CHIC2: variants seen among roughly 807,000 people sequenced by gnomAD.
CHIC2 encodes cysteine-rich hydrophobic domain-containing protein 2.
Under a neutral mutation model 25.9 loss-of-function variants are expected in CHIC2, and 14 were observed. The observed-to-expected ratio is 0.54, with a 90% CI of 0.36 to 0.85. The LOEUF (loss-of-function observed/expected upper bound fraction) is 0.85, where lower values mean the gene tolerates loss of function less well. Ranked by LOEUF, CHIC2 falls within the 40% of genes least tolerant of loss-of-function variation. The pLI, the probability that CHIC2 is intolerant of heterozygous loss-of-function variation, is 0.01. For synonymous variants in CHIC2, 70 were observed against 72.0 expected (o/e 0.97, Z 0.14); for missense variants, 146 against 202.0 (o/e 0.72, Z 1.68).
intron 3 of CHIC2, among the ~76,000 whole-genome samples, chr4:54,037,666 G>A (rs949791258): frequency 1.3e-5 from 2 of 152,122 alleles, no homozygotes; most frequent in African/African-American, 2.4e-5. Context: ...ATTCAAGGCT[G>A]TAAAATAAAA....
intron 1 of CHIC2, among the ~76,000 whole-genome samples, chr4:54,062,084 CGACTAT>C (rs1212421510): frequency 6.6e-6 from 1 of 152,080 alleles, no homozygotes; most frequent in African/African-American, 2.4e-5. Context: ...TAAAAGGTAT[CGACTAT>C]AACTATCCCC....
chr4:54,088,449 A>C, the CHIC2 span, among the ~76,000 whole-genome samples: 3 of 152,230 alleles, frequency 2.0e-5, no homozygotes, highest in Admixed American at 2.0e-4. Flanking sequence ...TCAAAGCAAA[A>C]AAGAAAAAAG....
At chr4:54,026,247 T>C (rs1716054349) in intron 3 of CHIC2, among the ~76,000 whole-genome samples, 1 of 152,112 alleles carries the variant, frequency 6.6e-6, no homozygotes, top group African/African-American at 2.4e-5. Context: ...TTGTTTTTTT[T>C]TGTTTGGCTC....
At chr4:54,040,718 A>T in intron 3 of CHIC2, among the ~76,000 whole-genome samples, 1 of 148,392 alleles carries the variant, frequency 6.7e-6, no homozygotes, top group South Asian at 2.1e-4. Context: ...AAAAAAAAAA[A>T]AAAAAAAAAA....
intron 1 of CHIC2, chr4:54,059,596 T>A (rs1056099597): frequency 3.3e-5 from 5 of 150,862 alleles, no homozygotes; most frequent in African/African-American, 1.2e-4. Flanking sequence ...AAAAAAAAAA[T>A]CTACCTTAAT....
upstream of CHIC2, among the ~76,000 whole-genome samples, chr4:54,066,388 A>G (rs921302140): frequency 1.3e-5 from 2 of 152,228 alleles, no homozygotes; most frequent in Non-Finnish European, 2.9e-5. Context: ...GGGTTACCAC[A>G]GCATTATGTA....
At chr4:54,013,572 A>G (rs1020346693) in intron 5 of CHIC2, among the ~76,000 whole-genome samples, 4 of 152,152 alleles carry the variant, frequency 2.6e-5, no homozygotes, top group African/African-American at 4.8e-5. Flanking sequence ...TTCACACTCC[A>G]TCAACACATG....
the CHIC2 span, among the ~76,000 whole-genome samples, chr4:54,083,071 G>T: frequency 8.0e-6 from 1 of 124,864 alleles, no homozygotes; most frequent in East Asian, 2.2e-4. Flanking sequence ...TATTGCCCAG[G>T]CTGGAGTGAT....
At chr4:54,035,031 C>T (rs1716340558) in intron 3 of CHIC2, among the ~76,000 whole-genome samples, 1 of 152,132 alleles carries the variant, frequency 6.6e-6, no homozygotes. Context: ...TGTTGAGTTA[C>T]ATTCATTGCA....
upstream of CHIC2, among the ~76,000 whole-genome samples, chr4:54,065,936 C>T (rs1461805886): frequency 6.6e-6 from 1 of 152,122 alleles, no homozygotes; most frequent in Non-Finnish European, 1.5e-5. Context: ...TTATTGTATC[C>T]CTCCCTGGAG....
chr4:54,073,864 C>T, the CHIC2 span, among the ~76,000 whole-genome samples: 3 of 152,026 alleles, frequency 2.0e-5, no homozygotes, highest in Admixed American at 6.6e-5. Context: ...TTTTTAAAGT[C>T]GTAGGTTTTA....
chr4:54,087,707 TG>T, the CHIC2 span: 2 of 534,592 alleles, frequency 3.7e-6, no homozygotes, highest in East Asian at 6.2e-5. Context: ...CTAAAATATC[TG>T]GCAAAGAATT....
intron 1 of CHIC2, among the ~76,000 whole-genome samples, chr4:54,053,801 A>AT (rs1317534430): frequency 6.6e-6 from 1 of 151,680 alleles, no homozygotes; most frequent in Non-Finnish European, 1.5e-5. Context: ...ATTTTATTTT[A>AT]TTTTTTTGAG....
At chr4:54,043,764 G>T (rs1382328427) in intron 3 of CHIC2, among the ~76,000 whole-genome samples, 2 of 152,084 alleles carry the variant, frequency 1.3e-5, no homozygotes, top group East Asian at 3.9e-4. Context: ...AAAATAACCA[G>T]CTAACATCAT....
chr4:54,056,303 G>C (rs920551779), intron 1 of CHIC2, among the ~76,000 whole-genome samples: 1 of 151,924 alleles, frequency 6.6e-6, no homozygotes, highest in Non-Finnish European at 1.5e-5. Context: ...CTGAACTACA[G>C]AAAAAAGATT....
At chr4:54,035,563 C>T (rs192139374) in intron 3 of CHIC2, among the ~76,000 whole-genome samples, 4 of 152,164 alleles carry the variant, frequency 2.6e-5, no homozygotes, top group Admixed American at 2.6e-4. Context: ...TCTTTAAAAC[C>T]TCTTAGTCTC....
rs558340911 is a variant in CHIC2 at position 54,058,041 on chromosome 4, C to T, written c.119+6141G>A. On this transcript the variant is annotated intron_variant, in intron 1 of 5. Coordinates refer to ENST00000263921, the MANE Select transcript of CHIC2 (RefSeq NM_012110.4). Reference sequence around the variant, plus strand: ...ATACCTCAGGGCCACTAAGGCATCACTGTGTATCAATCTGATAGCCGCTTT... The same window carrying T: ...ATACCTCAGGGCCACTAAGGCATCATTGTGTATCAATCTGATAGCCGCTTT... Among the ~76,000 whole-genome samples, 23 of 152,324 alleles carry T rather than the reference C, an allele frequency of 1.5e-4. No homozygotes were observed. In the East Asian group the frequency reaches 4.1e-3, roughly 27 times the overall value.
Position 54,014,048 on chromosome 4 carries a change from C to T in CHIC2, c.387+15G>A. ...CAGACCCCAACAGTACGAAGCTGCT[C>T]CCTGTGGTACTCACCTTGTGGTATA... On this transcript the variant is annotated intron_variant, in intron 4 of 5. Transcript: ENST00000263921. 6 of 1,612,818 alleles carry T rather than the reference C, an allele frequency of 3.7e-6. No individual in the cohort carries two copies. Among genetic ancestry groups the T allele is most frequent in the Non-Finnish European group, 5.1e-6 (6 of 1,179,122 alleles).
chr4:54,031,109 C>T (rs997910651), intron 3 of CHIC2, among the ~76,000 whole-genome samples: 6 of 151,374 alleles, frequency 4.0e-5, no homozygotes, highest in African/African-American at 1.5e-4. Flanking sequence ...CAGACGATTA[C>T]ACATTTTTGG....
Sources: gnomAD v4.1 joint callset for allele counts (sites outside exome capture counted in the v4.1 genomes callset) on GRCh38, gnomAD v4.1.1 for gene constraint, MANE v1.5 for transcripts, NCBI Gene and HGNC (gene_info 2026-07-23, HGNC 2026-07-21) for gene names.